SLC7A2: variants seen among roughly 807,000 people sequenced by gnomAD.
SLC7A2 encodes the protein solute carrier family 7 member 2.
SLC7A2 carries 48 observed loss-of-function variants against 58.9 expected under a neutral mutation model. The ratio of observed to expected loss-of-function variants is 0.82; its 90% CI spans 0.65 to 1.04. The LOEUF is 1.04. SLC7A2 is among the 50% of genes least tolerant of loss of function. The pLI is 0.00. For missense variants in SLC7A2, 1,029 were observed against 818.8 expected (o/e 1.26, Z -3.13); for synonymous variants, 363 against 314.5 (o/e 1.15, Z -1.63).
chr8:17,552,846 GC>G (rs1177669815), intron 7 of SLC7A2, among the ~76,000 whole-genome samples: 1 of 152,120 alleles, frequency 6.6e-6, no homozygotes, highest in Non-Finnish European at 1.5e-5. Context: ...GAAGAGTCTT[GC>G]AAAGAGAAAA....
At chr8:17,564,869 C>T in intron 12 of SLC7A2, 81 bp from the exon 13 acceptor site, 1 of 1,163,796 alleles carries the variant, frequency 8.6e-7, no homozygotes, top group South Asian at 1.6e-5. Context: ...CTATTAAGTT[C>T]TACATTTTCC....
chr8:17,524,246 A>T (rs749002748), intron 2 of SLC7A2, among the ~76,000 whole-genome samples: 1 of 152,352 alleles, frequency 6.6e-6, no homozygotes, highest in Admixed American at 6.5e-5. Flanking sequence ...CAGCAGTCCC[A>T]CTACTAGGTA....
At chr8:17,530,880 G>T (rs1484033207) in intron 2 of SLC7A2, among the ~76,000 whole-genome samples, 1 of 152,002 alleles carries the variant, frequency 6.6e-6, no homozygotes, top group African/African-American at 2.4e-5. Flanking sequence ...CCAGTAAGTA[G>T]ATTCAAAGCC....
In SLC7A2 at chr8:17,550,584, T is replaced by C. The variant is rs1301720849; in HGVS notation, c.832+150T>C. The C allele has an allele frequency of 1.1e-5, 7 of 663,532 alleles. No homozygotes were observed. In the East Asian group the frequency reaches 2.0e-4, roughly 19 times the overall value. The allele number at this position is 663,532 out of a possible 1,614,324, so 41.1% of individuals were successfully genotyped here. A position where few individuals can be genotyped will look rare whatever the true frequency, so the allele number is the denominator to read the frequency against. On this transcript the variant is annotated intron_variant, in intron 6 of 12. Transcript: ENST00000494857. ...GCCCAGCTGTGACACGTGCTGCTGATGATAAAAAGAAAGAATGCAACTCTC... is the reference window on the plus strand; with the variant it reads ...GCCCAGCTGTGACACGTGCTGCTGACGATAAAAAGAAAGAATGCAACTCTC...
At position 17,551,783 on chromosome 8, in the gene SLC7A2, C is replaced by A. The variant is rs150214313; in HGVS notation, c.852C>A (p.Pro284=). The A allele has an allele frequency of 5.9e-4, 958 of 1,613,824 alleles. 7 individuals carry two copies. In the African/African-American group the frequency reaches 0.011, roughly 19 times the overall value. Residue 284 remains proline, a synonymous_variant, in exon 7 of 13, where the codon CCC becomes CCA. Transcript: ENST00000494857. ...CCTTAGGTGAAGAAGTTCGGAATCC[C>A]CAGAAAGCTATTCCCATTGGAATTG... ...IATTGEEVRN[P]QKAIPIGIVT...
intron 1 of SLC7A2, among the ~76,000 whole-genome samples, chr8:17,499,722 T>G (rs1800081152): frequency 1.3e-5 from 2 of 152,056 alleles, no homozygotes; most frequent in African/African-American, 4.8e-5. Flanking sequence ...CTTAGTTAAC[T>G]AAGATTTCAC....
At position 17,504,440 on chromosome 8, in the gene SLC7A2, T is replaced by C. The variant is rs1485830520; in HGVS notation, c.-23+2138T>C. 4.6e-5 allele frequency among the ~76,000 whole-genome samples: 7 copies of C among 152,362 alleles called. No homozygotes were observed. The East Asian group carries it at 1.2e-3, about 25-fold the overall frequency. On this transcript the variant is annotated intron_variant, in intron 2 of 12. Coordinates refer to ENST00000494857, the MANE Select transcript of SLC7A2 (RefSeq NM_001370338.1). ...TTGCAGTGATATTTTTAAATGTTTA[T>C]GTAATTCTAATTGGCGGAGCCCATA...
chr8:17,561,228 A>G (rs1313658917), intron 10 of SLC7A2, among the ~76,000 whole-genome samples: 1 of 152,204 alleles, frequency 6.6e-6, no homozygotes, highest in African/African-American at 2.4e-5. Context: ...TAGTAAAGAC[A>G]TACCCAAGAC....
chr8:17,518,093 T>G (rs76028033), intron 2 of SLC7A2, among the ~76,000 whole-genome samples: 5,486 of 152,272 alleles, frequency 0.036, 142 homozygotes, highest in Middle Eastern at 0.13. Flanking sequence ...TATTATTAAT[T>G]TTTATTTTTA....
chr8:17,495,552 G>T (rs1255611675), upstream of SLC7A2, among the ~76,000 whole-genome samples: 2 of 151,884 alleles, frequency 1.3e-5, no homozygotes, highest in African/African-American at 4.8e-5. Flanking sequence ...TTTTTTGTTC[G>T]TTTGCTTTTG....
At chr8:17,530,002 C>A (rs569244403) in intron 2 of SLC7A2, among the ~76,000 whole-genome samples, 1 of 152,142 alleles carries the variant, frequency 6.6e-6, no homozygotes, top group East Asian at 1.9e-4. Flanking sequence ...TGAAGGAGAC[C>A]CCATTTGCAT....
At chr8:17,541,326 G>T (rs1225028101) in intron 2 of SLC7A2, among the ~76,000 whole-genome samples, 2 of 152,172 alleles carry the variant, frequency 1.3e-5, no homozygotes, top group Non-Finnish European at 2.9e-5. Context: ...GGTAGAAATT[G>T]ATAAACATTT....
At chr8:17,549,702 G>A (rs1234516869) in intron 5 of SLC7A2, among the ~76,000 whole-genome samples, 1 of 152,188 alleles carries the variant, frequency 6.6e-6, no homozygotes, top group Non-Finnish European at 1.5e-5. Flanking sequence ...CTATTGCATG[G>A]AATGGGGTAC....
intron 2 of SLC7A2, among the ~76,000 whole-genome samples, chr8:17,514,806 A>C (rs909465190): frequency 2.0e-5 from 3 of 152,244 alleles, no homozygotes; most frequent in Admixed American, 1.3e-4. Flanking sequence ...CATAGCAGTA[A>C]TGAGCATAAA....
intron 2 of SLC7A2, 38 bp from the exon 3 acceptor site, chr8:17,543,280 A>T: frequency 6.5e-7 from 1 of 1,546,250 alleles, no homozygotes; most frequent in Non-Finnish European, 8.7e-7. Context: ...AGGGATGACA[A>T]TTCCAGATCA....
intron 2 of SLC7A2, among the ~76,000 whole-genome samples, chr8:17,540,880 C>A (rs911430305): frequency 3.0e-4 from 45 of 152,294 alleles, no homozygotes; most frequent in African/African-American, 1.1e-3. Context: ...TTGCTTCCTT[C>A]CAGATCCTTT....
At chr8:17,495,870 A>C (rs954455172), upstream of SLC7A2, among the ~76,000 whole-genome samples, 1 of 152,160 alleles carries the variant, frequency 6.6e-6, no homozygotes, top group Non-Finnish European at 1.5e-5. Context: ...CTTTTTGATG[A>C]AATCCATGGA....
At position 17,503,176 on chromosome 8, in the gene SLC7A2, G is replaced by T. The variant is rs551437981; in HGVS notation, c.-23+874G>T. Reference sequence around the variant, plus strand: ...CGCCATTCTCCTGCCTCAGCCTCCCGAGTAGCTGGGACTACAGGCGCCCGC... The same window carrying T: ...CGCCATTCTCCTGCCTCAGCCTCCCTAGTAGCTGGGACTACAGGCGCCCGC... On this transcript the variant is annotated intron_variant, in intron 2 of 12. Coordinates refer to ENST00000494857, the MANE Select transcript of SLC7A2 (RefSeq NM_001370338.1). Among the ~76,000 whole-genome samples, 130 of 151,754 alleles carry T rather than the reference G, an allele frequency of 8.6e-4. 1 individual carries two copies. Among genetic ancestry groups the T allele is most frequent in the African/African-American group, 3.0e-3 (124 of 41,398 alleles).
chr8:17,561,957 G>C lies in SLC7A2; in HGVS notation c.1518G>C (p.Leu506Phe), dbSNP rs771342551. The C allele has an allele frequency of 3.7e-6, 6 of 1,614,018 alleles. No homozygotes were observed. In the East Asian group the frequency reaches 1.3e-4, roughly 36 times the overall value. Residue 506 changes from leucine (L) to phenylalanine (F), a missense_variant, in exon 11 of 13, where the codon TTG (leucine) becomes TTC (phenylalanine). Coordinates refer to ENST00000494857, the MANE Select transcript of SLC7A2 (RefSeq NM_001370338.1). ...ATCCCCCTGCAGCTTTCCTCGTGTTGGGCCTGAGTGTCTTGACCACTTACG... is the reference window on the plus strand; with the variant it reads ...ATCCCCCTGCAGCTTTCCTCGTGTTCGGCCTGAGTGTCTTGACCACTTACG... ...FLVGFLAFLVLGLSVLTTYGV... is the reference protein window; with the variant it reads ...FLVGFLAFLVFGLSVLTTYGV...
Sources: allele counts gnomAD v4.1 joint callset (sites outside exome capture counted in the v4.1 genomes callset), GRCh38; gene constraint gnomAD v4.1.1; transcripts MANE v1.5; gene names NCBI Gene and HGNC (gene_info 2026-07-23, HGNC 2026-07-21).